Variants in ASH1L observed in about 807,000 individuals in gnomAD.
ASH1L encodes the protein ASH1 like histone lysine methyltransferase, also known as histone-lysine N-methyltransferase ASH1L.
ASH1L carries 23 observed loss-of-function variants against 269.0 expected under a neutral mutation model. The ratio of observed to expected loss-of-function variants is 0.09; its 90% CI spans 0.06 to 0.12. The LOEUF is 0.12. ASH1L is among the 10% of genes least tolerant of loss of function. The probability of loss-of-function intolerance (pLI) is 1.00; values close to 1 mark genes in which losing one functional copy is unlikely to be tolerated. For missense variants in ASH1L, 2,912 were observed against 3,567.8 expected, an observed-to-expected ratio of 0.82 and a Z score of 4.68; for synonymous variants, 1,187 against 1,253.5, an observed-to-expected ratio of 0.95 and a Z score of 1.12.
At chr1:155,367,973 T>C (rs975641353) in intron 12 of ASH1L, among the ~76,000 whole-genome samples, 13 of 152,276 alleles carry the variant, frequency 8.5e-5, no homozygotes, top group African/African-American at 2.6e-4. Flanking sequence ...GCAAAGAGTT[T>C]ATAAGTGGTA....
intron 2 of ASH1L, among the ~76,000 whole-genome samples, chr1:155,501,081 A>G (rs1485801254): frequency 2.0e-5 from 3 of 152,246 alleles, no homozygotes; most frequent in African/African-American, 7.2e-5. Context: ...AATACCCCAT[A>G]GTATTAATAA....
intron 10 of ASH1L, among the ~76,000 whole-genome samples, chr1:155,371,540 T>C (rs755938851): frequency 6.6e-6 from 1 of 152,036 alleles, no homozygotes; most frequent in Non-Finnish European, 1.5e-5. Context: ...AGAGTGAGAC[T>C]CCGTCTCAAA....
At chr1:155,489,652 GGAGGCT>G (rs908003305) in intron 2 of ASH1L, among the ~76,000 whole-genome samples, 1 of 151,840 alleles carries the variant, frequency 6.6e-6, no homozygotes, top group African/African-American at 2.4e-5. Context: ...CAGCTACTCG[GGAGGCT>G]GAGGCAGGAG....
intron 20 of ASH1L, among the ~76,000 whole-genome samples, chr1:155,347,177 T>C (rs539750410): frequency 2.0e-5 from 3 of 152,242 alleles, no homozygotes; most frequent in African/African-American, 7.2e-5. Flanking sequence ...GGTGGGCAGA[T>C]CACTTGAGCT....
chr1:155,551,878 AAGCAGGAGAATCACTT>A (rs1465476459), intron 1 of ASH1L, among the ~76,000 whole-genome samples: 1 of 151,318 alleles, frequency 6.6e-6, no homozygotes, highest in Admixed American at 6.6e-5. Flanking sequence ...TGGGAGGCTG[AAGCAGGAGAATCACTT>A]GAACCTGGGA....
At chr1:155,456,817 T>C (rs886808225) in intron 4 of ASH1L, among the ~76,000 whole-genome samples, 1 of 150,588 alleles carries the variant, frequency 6.6e-6, no homozygotes, top group Non-Finnish European at 1.5e-5. Flanking sequence ...TGTAATGTTA[T>C]AGCATTTTTT....
At chr1:155,374,511 A>G (rs1285767647) in intron 10 of ASH1L, among the ~76,000 whole-genome samples, 1 of 152,180 alleles carries the variant, frequency 6.6e-6, no homozygotes, top group Non-Finnish European at 1.5e-5. Context: ...TTATTCTTCA[A>G]TTTAAGATAA....
In ASH1L at chr1:155,562,748, A is replaced by AGCCGGC. The variant is rs1558230484; in HGVS notation, c.-701_-696dup. On this transcript the variant is annotated 5_prime_UTR_variant, in exon 1 of 28. Coordinates refer to ENST00000392403, the MANE Select transcript of ASH1L (RefSeq NM_018489.3). ...CCTCACTACCCCTCAGGCCCTGTCA[A>AGCCGGC]GCCGGCGCCGGCGCAGGCCCTCACG... 1.7e-6 allele frequency: 2 copies of AGCCGGC among 1,199,694 alleles called. No individual in the cohort carries two copies. Among genetic ancestry groups the AGCCGGC allele is most frequent in the East Asian group, 2.8e-5 (1 of 35,504 alleles). The allele number at this position is 1,199,694 out of a possible 1,614,324, so 74.3% of individuals were successfully genotyped here.
intron 5 of ASH1L, among the ~76,000 whole-genome samples, chr1:155,434,680 G>A (rs1270799006): frequency 1.3e-5 from 2 of 151,878 alleles, no homozygotes; most frequent in African/African-American, 2.4e-5. Flanking sequence ...GTAAAAACCC[G>A]TCTCTACTAA....
intron 12 of ASH1L, among the ~76,000 whole-genome samples, chr1:155,369,621 G>A (rs775542836): frequency 2.6e-5 from 4 of 152,006 alleles, no homozygotes; most frequent in African/African-American, 4.8e-5. Context: ...TGAGGGGAAG[G>A]GACCTCCAGA....
chr1:155,347,985 A>T, intron 19 of ASH1L, 81 bp from the exon 20 acceptor site: 1 of 1,569,890 alleles, frequency 6.4e-7, no homozygotes, highest in South Asian at 1.2e-5. Flanking sequence ...GCAAGGTAGC[A>T]TGACTTTCTT....
At chr1:155,548,092 C>T (rs1396959189) in intron 1 of ASH1L, among the ~76,000 whole-genome samples, 1 of 152,152 alleles carries the variant, frequency 6.6e-6, no homozygotes, top group African/African-American at 2.4e-5. Flanking sequence ...CGCATGTTCT[C>T]ACCCATAAGT....
chr1:155,519,240 G>A (rs2148836718), intron 2 of ASH1L, among the ~76,000 whole-genome samples: 1 of 152,134 alleles, frequency 6.6e-6, no homozygotes, highest in East Asian at 1.9e-4. Flanking sequence ...TTTGAGACCA[G>A]CCTGACCAAC....
At chr1:155,432,518 T>C (rs1661686203) in intron 5 of ASH1L, among the ~76,000 whole-genome samples, 1 of 152,274 alleles carries the variant, frequency 6.6e-6, no homozygotes, top group Admixed American at 6.5e-5. Flanking sequence ...CAAGTACTAG[T>C]GTAAGCTCCA....
chr1:155,440,862 G>A (rs968534112), intron 4 of ASH1L, among the ~76,000 whole-genome samples: 3 of 151,886 alleles, frequency 2.0e-5, no homozygotes, highest in Admixed American at 6.6e-5. Context: ...CTTCAAACTA[G>A]CTCCTCCATC....
At chr1:155,475,176 A>G (rs1665440975) in intron 3 of ASH1L, among the ~76,000 whole-genome samples, 1 of 151,968 alleles carries the variant, frequency 6.6e-6, no homozygotes, top group Non-Finnish European at 1.5e-5. Flanking sequence ...TTTGAGATAC[A>G]GTCTCACTCT....
At chr1:155,416,274 G>A (rs986366464) in intron 5 of ASH1L, among the ~76,000 whole-genome samples, 2 of 151,846 alleles carry the variant, frequency 1.3e-5, no homozygotes, top group Non-Finnish European at 1.5e-5. Context: ...GATATTACAG[G>A]GGCACGCCAC....
chr1:155,550,321 G>A (rs1671112086), intron 1 of ASH1L, among the ~76,000 whole-genome samples: 2 of 152,028 alleles, frequency 1.3e-5, no homozygotes. Flanking sequence ...CCCAGTCCAC[G>A]ATAGCCTCTG....
chr1:155,448,774 C>T (rs1426228299), intron 4 of ASH1L, among the ~76,000 whole-genome samples: 2 of 152,068 alleles, frequency 1.3e-5, no homozygotes, highest in Admixed American at 6.6e-5. Flanking sequence ...GGATTACAGG[C>T]GTGAGCAACT....
Sources: allele counts gnomAD v4.1 joint callset (sites outside exome capture counted in the v4.1 genomes callset), GRCh38; gene constraint gnomAD v4.1.1; transcripts MANE v1.5; gene names NCBI Gene and HGNC (gene_info 2026-07-23, HGNC 2026-07-21).